Variants in NDUFAF2 observed in about 807,000 individuals in gnomAD.
NDUFAF2 encodes the protein NADH:ubiquinone oxidoreductase complex assembly factor 2.
A neutral mutation model predicts 22.8 loss-of-function variants in NDUFAF2; 13 were observed. The ratio of observed to expected loss-of-function variants is 0.57; its 90% CI spans 0.37 to 0.91. The LOEUF (loss-of-function observed/expected upper bound fraction) is 0.91. NDUFAF2 is among the 40% of genes least tolerant of loss of function. The pLI, the probability that NDUFAF2 is intolerant of heterozygous loss-of-function variation, is 0.01. For synonymous variants in NDUFAF2, 53 were observed against 64.2 expected, an observed-to-expected ratio of 0.83 and a Z score of 0.84; for missense variants, 162 against 195.2, an observed-to-expected ratio of 0.83 and a Z score of 1.01.
At chr5:61,113,448 CTG>C (rs1374447009) in intron 3 of NDUFAF2, among the ~76,000 whole-genome samples, 1 of 152,102 alleles carries the variant, frequency 6.6e-6, no homozygotes, top group Non-Finnish European at 1.5e-5. Context: ...TATGGTTTGG[CTG>C]TGTCCCCACC....
At chr5:61,013,538 A>G (rs972971514) in intron 1 of NDUFAF2, among the ~76,000 whole-genome samples, 1 of 152,090 alleles carries the variant, frequency 6.6e-6, no homozygotes, top group Non-Finnish European at 1.5e-5. Context: ...ATCTGCCTGA[A>G]TGTTTGAAGA....
rs560204132 is a variant in NDUFAF2, at chr5:61,013,780, A to G, written c.128-59345A>G. Among the ~76,000 whole-genome samples the G allele has an allele frequency of 1.5e-4, 23 of 152,216 alleles. No individual in the cohort carries two copies. The South Asian group carries it at 2.9e-3, about 19-fold the overall frequency. The stretch of plus-strand genomic sequence containing the variant: ...TGTGATAATAAAATAAGCATTCAAC[A>G]TAGTAGTTTAGAGAAAACAAAGATA... On this transcript the variant is annotated intron_variant, in intron 1 of 3. Coordinates refer to ENST00000296597, the MANE Select transcript of NDUFAF2 (RefSeq NM_174889.5).
At chr5:61,069,618 A>G (rs1308843610) in intron 1 of NDUFAF2, among the ~76,000 whole-genome samples, 1 of 152,176 alleles carries the variant, frequency 6.6e-6, no homozygotes, top group Non-Finnish European at 1.5e-5. Context: ...TGGTACTTGA[A>G]TGGCTGAAGT....
Position 61,019,445 on chromosome 5 carries a change from G to A in NDUFAF2, c.128-53680G>A, listed in dbSNP as rs566285631. On this transcript the variant is annotated intron_variant, in intron 1 of 3. Coordinates refer to ENST00000296597, the MANE Select transcript of NDUFAF2 (RefSeq NM_174889.5). ...ATTTTACTCTTCCCCTTTCCTTGGA[G>A]GGTTGATACTAAACTACAACTCTTT... Among the ~76,000 whole-genome samples, 34 of 151,966 alleles carry A rather than the reference G, an allele frequency of 2.2e-4. No homozygotes were observed. In the South Asian group the frequency reaches 3.3e-3, roughly 15 times the overall value.
rs550532978 is a variant in NDUFAF2 at position 60,947,636 on chromosome 5, C to G, written c.127+2254C>G. On this transcript the variant is annotated intron_variant, in intron 1 of 3. Coordinates refer to ENST00000296597, the MANE Select transcript of NDUFAF2 (RefSeq NM_174889.5). The stretch of plus-strand genomic sequence containing the variant: ...CAAAAATTAGCTGGGCATGGTGGCA[C>G]GCGCCTGTAATCCCAGCTAGTCGGG... 5.8e-4 allele frequency among the ~76,000 whole-genome samples: 88 copies of G among 151,862 alleles called. 1 individual carries two copies. In the Middle Eastern group the frequency reaches 0.034, roughly 59 times the overall value.
intron 1 of NDUFAF2, among the ~76,000 whole-genome samples, chr5:60,993,908 T>C (rs1420933552): frequency 6.6e-6 from 1 of 152,204 alleles, no homozygotes; most frequent in Non-Finnish European, 1.5e-5. Flanking sequence ...CCCTCTCTGG[T>C]CTGCAAGACT....
intron 1 of NDUFAF2, among the ~76,000 whole-genome samples, chr5:61,070,101 C>T (rs1752276789): frequency 6.6e-6 from 1 of 152,014 alleles, no homozygotes; most frequent in Non-Finnish European, 1.5e-5. Flanking sequence ...TGTATTAGGA[C>T]TTATTGAACC....
chr5:61,048,086 T>C (rs988481365), intron 1 of NDUFAF2, among the ~76,000 whole-genome samples: 1 of 152,174 alleles, frequency 6.6e-6, no homozygotes, highest in Non-Finnish European at 1.5e-5. Flanking sequence ...CTTTTTCATA[T>C]CACAAATTTA....
rs77519513 is a variant in NDUFAF2 at position 61,073,055 on chromosome 5, C to T, written c.128-70C>T. The T allele has an allele frequency of 3.7e-3, 3,471 of 945,458 alleles. 83 individuals carry two copies. In the African/African-American group the frequency reaches 0.051, roughly 14 times the overall value. The allele number at this position is 945,458 out of a possible 1,614,324, so 58.6% of individuals were successfully genotyped here. On this transcript the variant is annotated intron_variant, in intron 1 of 3. Coordinates refer to ENST00000296597, the MANE Select transcript of NDUFAF2 (RefSeq NM_174889.5). ...ACTATATAAGGGGTTATGCAATATTCAAAGATTAATTGTAGAACTACTGTA... is the reference window on the plus strand; with the variant it reads ...ACTATATAAGGGGTTATGCAATATTTAAAGATTAATTGTAGAACTACTGTA...
chr5:61,089,963 C>T (rs1295115907), intron 2 of NDUFAF2, among the ~76,000 whole-genome samples: 1 of 151,168 alleles, frequency 6.6e-6, no homozygotes, highest in Non-Finnish European at 1.5e-5. Flanking sequence ...TTTATAGACT[C>T]ATCAGTAGGG....
At chr5:61,056,829 C>T (rs113854620) in intron 1 of NDUFAF2, among the ~76,000 whole-genome samples, 3,470 of 128,320 alleles carry the variant, frequency 0.027, 62 homozygotes, top group Middle Eastern at 0.051. Flanking sequence ...GCCGAGGTTG[C>T]GGTGAGCTGA....
At chr5:61,036,537 A>C (rs1751802625) in intron 1 of NDUFAF2, among the ~76,000 whole-genome samples, 3 of 152,228 alleles carry the variant, frequency 2.0e-5, no homozygotes, top group Non-Finnish European at 4.4e-5. Flanking sequence ...TTAGGCAAGA[A>C]ACAGATGGCA....
In NDUFAF2 at chr5:60,948,853, T is replaced by C. The variant is rs897514403; in HGVS notation, c.127+3471T>C. ...GCTGAGTCAACTTGTTAGGTGTATG[T>C]TTAACTTCTTAAGAAACTGCCTAAG... On this transcript the variant is annotated intron_variant, in intron 1 of 3. Transcript: ENST00000296597. Among the ~76,000 whole-genome samples, 5 of 152,192 alleles carry C rather than the reference T, an allele frequency of 3.3e-5. 1 individual carries two copies. The highest frequency in any genetic ancestry group is 4.8e-5 in the African/African-American group (2 of 41,454).
intron 1 of NDUFAF2, among the ~76,000 whole-genome samples, chr5:60,968,843 T>C (rs762607595): frequency 3.9e-5 from 6 of 152,092 alleles, no homozygotes; most frequent in East Asian, 1.9e-4. Context: ...CCATCTCCAC[T>C]TCCCCACCAC....
chr5:60,971,935 C>G (rs1003966391), intron 1 of NDUFAF2, among the ~76,000 whole-genome samples: 5 of 150,708 alleles, frequency 3.3e-5, no homozygotes, highest in Admixed American at 2.0e-4. Flanking sequence ...TTTTGCCCCC[C>G]TCCCTTTTTT....
In NDUFAF2 at chr5:61,063,333, TC is replaced by T. The variant is rs1752189122; in HGVS notation, c.128-9791del. 5.5e-5 allele frequency among the ~76,000 whole-genome samples: 6 copies of T among 108,744 alleles called. No homozygotes were observed. In the South Asian group the frequency reaches 1.6e-3, roughly 29 times the overall value. The allele number at this position is 108,744 out of a possible 152,430, so 71.3% of individuals were successfully genotyped here. On this transcript the variant is annotated intron_variant, in intron 1 of 3. Coordinates refer to ENST00000296597, the MANE Select transcript of NDUFAF2 (RefSeq NM_174889.5). ...GATAATATGGCAAGATCTTGTATCT[TC>T]AAAAAAGTTAAAAAAAAAAAAAAGT... is the stretch of plus-strand genomic sequence containing the variant.
At chr5:60,983,016 A>G (rs1416075074) in intron 1 of NDUFAF2, among the ~76,000 whole-genome samples, 1 of 151,712 alleles carries the variant, frequency 6.6e-6, no homozygotes, top group African/African-American at 2.4e-5. Flanking sequence ...GGTCCCACCA[A>G]CAGTGTAAAA....
rs367631096 is a variant in NDUFAF2, at chr5:61,069,602, C to T, written c.128-3523C>T. On this transcript the variant is annotated intron_variant, in intron 1 of 3. Coordinates refer to ENST00000296597, the MANE Select transcript of NDUFAF2 (RefSeq NM_174889.5). The stretch of plus-strand genomic sequence containing the variant: ...GTACTCTAAAGTATGGCAAAAATTG[C>T]AAAGATGGTACTTGAATGGCTGAAG... Among the ~76,000 whole-genome samples the T allele has an allele frequency of 6.6e-5, 10 of 152,168 alleles. No individual in the cohort carries two copies. The East Asian group carries it at 1.9e-3, about 29-fold the overall frequency.
chr5:61,118,358 G>A (rs989362443), intron 3 of NDUFAF2, among the ~76,000 whole-genome samples: 10 of 152,254 alleles, frequency 6.6e-5, no homozygotes, highest in Non-Finnish European at 1.3e-4. Flanking sequence ...TCATGGCCAG[G>A]CTCCGTGCCT....
Sources: allele counts gnomAD v4.1 joint callset (sites outside exome capture counted in the v4.1 genomes callset), GRCh38; gene constraint gnomAD v4.1.1; transcripts MANE v1.5; gene names NCBI Gene and HGNC (gene_info 2026-07-23, HGNC 2026-07-21).